ZNG1F: variants seen among roughly 807,000 people sequenced by gnomAD.
ZNG1F encodes zinc-regulated GTPase metalloprotein activator 1F.
the ZNG1F span, among the ~76,000 whole-genome samples, chr9:41,154,726 A>G: frequency 6.7e-6 from 1 of 149,882 alleles, no homozygotes; most frequent in African/African-American, 2.5e-5. Flanking sequence ...CTGATCTTTG[A>G]CAAACCTGAG....
At chr9:41,193,787 C>G in the ZNG1F span, among the ~76,000 whole-genome samples, 1 of 151,638 alleles carries the variant, frequency 6.6e-6, no homozygotes, top group Non-Finnish European at 1.5e-5. Context: ...GTAGTCCCAG[C>G]TACTTGGGAG....
At chr9:41,192,756 G>A in the ZNG1F span, among the ~76,000 whole-genome samples, 1 of 128,608 alleles carries the variant, frequency 7.8e-6, no homozygotes, top group Non-Finnish European at 1.6e-5. Flanking sequence ...ACAGGCGTGA[G>A]CCACTGTGCC....
the ZNG1F span, among the ~76,000 whole-genome samples, chr9:41,175,236 G>T: frequency 6.8e-6 from 1 of 146,902 alleles, no homozygotes; most frequent in Non-Finnish European, 1.5e-5. Flanking sequence ...TGTTTACAGT[G>T]ATTACTCATG....
chr9:41,139,030 T>A, the ZNG1F span, among the ~76,000 whole-genome samples: 1 of 117,724 alleles, frequency 8.5e-6, no homozygotes, highest in South Asian at 3.2e-4. Context: ...GTGTGATTTT[T>A]TGGGGGGTGT....
the ZNG1F span, among the ~76,000 whole-genome samples, chr9:41,199,842 A>G: frequency 6.6e-6 from 1 of 151,666 alleles, no homozygotes; most frequent in African/African-American, 2.4e-5. Flanking sequence ...GGAAGCTGCC[A>G]AGGCTTGGGG....
At chr9:41,137,161 G>A in the ZNG1F span, among the ~76,000 whole-genome samples, 6 of 141,784 alleles carry the variant, frequency 4.2e-5, no homozygotes, top group Non-Finnish European at 6.2e-5. Context: ...GTATCCCAGA[G>A]GTTGATAGGT....
At chr9:41,140,250 G>A in the ZNG1F span, among the ~76,000 whole-genome samples, 1 of 135,408 alleles carries the variant, frequency 7.4e-6, no homozygotes, top group Non-Finnish European at 1.6e-5. Flanking sequence ...ACACACCTAA[G>A]CTATGCTGTA....
the ZNG1F span, among the ~76,000 whole-genome samples, chr9:41,173,922 T>C: frequency 2.7e-5 from 4 of 147,866 alleles, no homozygotes; most frequent in Non-Finnish European, 6.0e-5. Flanking sequence ...CATAAAGATT[T>C]TACTAAAAAA....
the ZNG1F span, among the ~76,000 whole-genome samples, chr9:41,192,735 G>A: frequency 1.5e-5 from 2 of 134,992 alleles, no homozygotes; most frequent in Non-Finnish European, 3.2e-5. Context: ...GCCTCCTAAA[G>A]AGCTGGGATT....
chr9:41,132,266 T>C, the ZNG1F span: 1 of 1,604,298 alleles, frequency 6.2e-7, no homozygotes, highest in African/African-American at 1.4e-5. Flanking sequence ...AGTGTCATCC[T>C]TCCAGCTCAC....
At chr9:41,183,318 T>G in the ZNG1F span, among the ~76,000 whole-genome samples, 1 of 129,526 alleles carries the variant, frequency 7.7e-6, no homozygotes, top group African/African-American at 3.0e-5. Flanking sequence ...GCACTAGAGA[T>G]TAAATAAGCC....
the ZNG1F span, among the ~76,000 whole-genome samples, chr9:41,201,305 G>C: frequency 2.1e-5 from 3 of 140,170 alleles, no homozygotes; most frequent in African/African-American, 7.8e-5. Flanking sequence ...GTATGTGGAA[G>C]CAATATGTTT....
the ZNG1F span, chr9:41,198,669 T>TTACC: frequency 1.7e-5 from 1 of 59,542 alleles, no homozygotes; most frequent in Non-Finnish European, 3.3e-5. Flanking sequence ...TTAACATGGG[T>TTACC]TACCTTTTGG....
the ZNG1F span, chr9:41,145,196 A>T: frequency 5.8e-6 from 1 of 173,096 alleles, no homozygotes; most frequent in Non-Finnish European, 9.9e-6. Context: ...TTATAATAAA[A>T]TAGTCCTAAA....
At chr9:41,185,733 G>T in the ZNG1F span, among the ~76,000 whole-genome samples, 2 of 144,526 alleles carry the variant, frequency 1.4e-5, no homozygotes, top group African/African-American at 2.5e-5. Flanking sequence ...TTTACTTCTG[G>T]AGTCATTTAT....
the ZNG1F span, among the ~76,000 whole-genome samples, chr9:41,166,560 C>G: frequency 7.7e-4 from 95 of 123,140 alleles, no homozygotes; most frequent in South Asian, 5.6e-3. Context: ...TACAGAACTC[C>G]TGTGTTCAGC....
chr9:41,174,003 C>A, the ZNG1F span, among the ~76,000 whole-genome samples: 1 of 148,994 alleles, frequency 6.7e-6, no homozygotes, highest in Non-Finnish European at 1.5e-5. Context: ...TGGCGGATCA[C>A]CTGAAGTCAG....
At chr9:41,201,305 G>T in the ZNG1F span, among the ~76,000 whole-genome samples, 6 of 140,168 alleles carry the variant, frequency 4.3e-5, no homozygotes, top group Admixed American at 4.5e-4. Context: ...GTATGTGGAA[G>T]CAATATGTTT....
the ZNG1F span, among the ~76,000 whole-genome samples, chr9:41,183,401 C>A: frequency 2.3e-5 from 3 of 128,000 alleles, 1 homozygote; most frequent in African/African-American, 9.1e-5. Context: ...CAGCAAGAAA[C>A]ACTTTAAGAA....
Sources: allele counts gnomAD v4.1 joint callset (sites outside exome capture counted in the v4.1 genomes callset), GRCh38; gene constraint gnomAD v4.1.1; transcripts MANE v1.5; gene names NCBI Gene and HGNC (gene_info 2026-07-23, HGNC 2026-07-21).